Variants in CTNNA3 observed in about 807,000 individuals in gnomAD.
The protein encoded by CTNNA3 is catenin alpha-3.
Under a neutral mutation model 95.7 loss-of-function variants are expected in CTNNA3, and 76 were observed. The ratio of observed to expected loss-of-function variants is 0.79; its 90% CI spans 0.66 to 0.96. The LOEUF is 0.96. CTNNA3 is among the 40% of genes least tolerant of loss of function. CTNNA3 has a pLI of 0.00. For missense variants in CTNNA3, 1,191 were observed against 1,089.8 expected (o/e 1.09, Z -1.31); for synonymous variants, 431 against 374.4 (o/e 1.15, Z -1.74).
chr10:67,184,334 G>A (rs747324262), intron 6 of CTNNA3, among the ~76,000 whole-genome samples: 4 of 152,126 alleles, frequency 2.6e-5, no homozygotes, highest in Non-Finnish European at 4.4e-5. Flanking sequence ...CTTAGGGATC[G>A]TAGTGGTAAA....
rs149528714 is a variant in CTNNA3 at position 66,606,436 on chromosome 10, A to G, written c.1374+15256T>C. On this transcript the variant is annotated intron_variant, in intron 10 of 17. Transcript: ENST00000433211. ...AACGGACCTGAGAGACATCTACAGA[A>G]CTCTCCACTAAAAGCAAGAGAGAAT... Among the ~76,000 whole-genome samples the G allele has an allele frequency of 2.2e-3, 330 of 152,144 alleles. 2 individuals are homozygous for G. The highest frequency in any genetic ancestry group is 7.4e-3 in the African/African-American group (307 of 41,512).
At chr10:66,250,416 A>G (rs759426132) in intron 13 of CTNNA3, among the ~76,000 whole-genome samples, 78 of 152,324 alleles carry the variant, frequency 5.1e-4, no homozygotes, top group Non-Finnish European at 9.0e-4. Flanking sequence ...TAAAATAACT[A>G]CAAGAGTACA....
At chr10:67,699,579 T>TA (rs1841017573), upstream of CTNNA3, among the ~76,000 whole-genome samples, 1 of 152,128 alleles carries the variant, frequency 6.6e-6, no homozygotes, top group South Asian at 2.1e-4. Flanking sequence ...GAATTTCCAG[T>TA]ATTTGAGGAT....
intron 13 of CTNNA3, among the ~76,000 whole-genome samples, chr10:66,167,596 G>A (rs561002856): frequency 1.3e-5 from 2 of 152,168 alleles, no homozygotes; most frequent in East Asian, 3.9e-4. Context: ...TTTTGGCAAG[G>A]TAGAAAGTTA....
intron 5 of CTNNA3, among the ~76,000 whole-genome samples, chr10:67,278,636 T>C (rs192279812): frequency 3.3e-5 from 5 of 152,274 alleles, no homozygotes; most frequent in Admixed American, 1.3e-4. Context: ...CAATGTTTCT[T>C]ATCAGACCTA....
chr10:67,635,312 C>T (rs866114946), intron 2 of CTNNA3, among the ~76,000 whole-genome samples: 6 of 152,324 alleles, frequency 3.9e-5, no homozygotes, highest in African/African-American at 1.4e-4. Flanking sequence ...TCCTCTCTAA[C>T]TCATTCTATG....
intron 1 of CTNNA3, among the ~76,000 whole-genome samples, chr10:67,652,023 C>T (rs1045312507): frequency 1.3e-5 from 2 of 152,204 alleles, no homozygotes; most frequent in South Asian, 2.1e-4. Flanking sequence ...ATTTACTTCT[C>T]ACAGTTCTGG....
chr10:66,983,122 G>A (rs1367981824), intron 7 of CTNNA3, among the ~76,000 whole-genome samples: 1 of 152,178 alleles, frequency 6.6e-6, no homozygotes, highest in Non-Finnish European at 1.5e-5. Context: ...CACAAAGTCA[G>A]CAGGACTTAA....
intron 13 of CTNNA3, among the ~76,000 whole-genome samples, chr10:66,278,364 G>A (rs1442639364): frequency 2.0e-5 from 3 of 151,636 alleles, no homozygotes; most frequent in African/African-American, 4.8e-5. Flanking sequence ...AGTCTCTTTT[G>A]AGAAGTTTGT....
At chr10:66,550,416 G>A (rs1001244664) in intron 10 of CTNNA3, among the ~76,000 whole-genome samples, 10 of 151,980 alleles carry the variant, frequency 6.6e-5, no homozygotes, top group African/African-American at 2.4e-4. Flanking sequence ...CTTAGGCAAG[G>A]GATATGCAAA....
At chr10:66,357,009 T>C (rs2092616292) in intron 12 of CTNNA3, among the ~76,000 whole-genome samples, 1 of 152,254 alleles carries the variant, frequency 6.6e-6, no homozygotes, top group South Asian at 2.1e-4. Flanking sequence ...GATTTCCTAA[T>C]ATTTTGTTGC....
At chr10:66,897,902 C>T (rs562381135) in intron 7 of CTNNA3, among the ~76,000 whole-genome samples, 1 of 152,204 alleles carries the variant, frequency 6.6e-6, no homozygotes, top group East Asian at 1.9e-4. Flanking sequence ...AGTACCTGGA[C>T]TGTGGATACA....
At chr10:66,497,618 G>T (rs1463073524) in intron 11 of CTNNA3, among the ~76,000 whole-genome samples, 2 of 151,918 alleles carry the variant, frequency 1.3e-5, no homozygotes, top group African/African-American at 4.8e-5. Context: ...TAGGGCTAAT[G>T]TTTCATTTAA....
intron 7 of CTNNA3, among the ~76,000 whole-genome samples, chr10:67,136,006 A>T (rs2132030699): frequency 6.6e-6 from 1 of 152,318 alleles, no homozygotes; most frequent in South Asian, 2.1e-4. Context: ...GTATTCATAA[A>T]CAAGATTTGG....
At chr10:67,044,787 G>GA (rs1442619515) in intron 7 of CTNNA3, among the ~76,000 whole-genome samples, 1 of 152,166 alleles carries the variant, frequency 6.6e-6, no homozygotes, top group East Asian at 1.9e-4. Context: ...TAGCACAGTG[G>GA]AAAGATCATG....
Position 67,451,939 on chromosome 10 carries a change from C to T in CTNNA3, c.579+69903G>A, listed in dbSNP as rs184308919. ...CAAACAGGTTAAGTAATCCCATACA[C>T]AATGTACAATGATCCGTGTTGTGAT... On this transcript the variant is annotated intron_variant, in intron 5 of 17. Coordinates refer to ENST00000433211, the MANE Select transcript of CTNNA3 (RefSeq NM_013266.4). 2.8e-3 allele frequency among the ~76,000 whole-genome samples: 421 copies of T among 151,304 alleles called. 3 individuals are homozygous for T. The highest frequency in any genetic ancestry group is 9.8e-3 in the African/African-American group (404 of 41,236).
At chr10:66,957,633 G>T (rs1207563679) in intron 7 of CTNNA3, among the ~76,000 whole-genome samples, 1 of 151,604 alleles carries the variant, frequency 6.6e-6, no homozygotes, top group Non-Finnish European at 1.5e-5. Flanking sequence ...CACTCAAAAG[G>T]AGTGACTCAA....
intron 7 of CTNNA3, among the ~76,000 whole-genome samples, chr10:67,177,218 CATTGAACTT>C (rs1862288523): frequency 6.6e-6 from 1 of 152,152 alleles, no homozygotes; most frequent in Non-Finnish European, 1.5e-5. Context: ...TGTGACAAGA[CATTGAACTT>C]ATTGAACGTT....
At chr10:66,649,396 G>A (rs535919360) in intron 9 of CTNNA3, among the ~76,000 whole-genome samples, 5 of 152,240 alleles carry the variant, frequency 3.3e-5, no homozygotes, top group African/African-American at 1.2e-4. Flanking sequence ...GTGGAGCACA[G>A]AAATAAGAAA....
Sources: gnomAD v4.1 joint callset for allele counts (sites outside exome capture counted in the v4.1 genomes callset) on GRCh38, gnomAD v4.1.1 for gene constraint, MANE v1.5 for transcripts, NCBI Gene and HGNC (gene_info 2026-07-23, HGNC 2026-07-21) for gene names.